The following DLG2 variants were observed in gnomAD, a reference collection of about 807,000 sequenced individuals.
The protein encoded by DLG2 is disks large homolog 2.
A neutral mutation model predicts 132.5 loss-of-function variants in DLG2; 45 were observed. The ratio of observed to expected loss-of-function variants is 0.34; its 90% CI spans 0.27 to 0.44. The LOEUF (loss-of-function observed/expected upper bound fraction) is 0.44, where lower values mean the gene tolerates loss of function less well. Among genes scored for constraint, DLG2 ranks in the 20% least tolerant of loss-of-function variants. The pLI is 1.00. For synonymous variants in DLG2, 424 were observed against 419.6 expected, an observed-to-expected ratio of 1.01 and a Z score of -0.13; for missense variants, 1,045 against 1,196.9, an observed-to-expected ratio of 0.87 and a Z score of 1.87.
At chr11:83,474,034 C>G (rs2092371267) in intron 22 of DLG2, among the ~76,000 whole-genome samples, 1 of 151,986 alleles carries the variant, frequency 6.6e-6, no homozygotes. Context: ...TATCTTATCT[C>G]AGTCCCAAGG....
chr11:83,531,016 A>G (rs1032704905), intron 21 of DLG2, among the ~76,000 whole-genome samples: 4 of 152,046 alleles, frequency 2.6e-5, no homozygotes, highest in Non-Finnish European at 5.9e-5. Flanking sequence ...CTAACTCAAC[A>G]TGGATCAACC....
At chr11:84,923,316 G>T in intron 6 of DLG2, 1 of 1,413,130 alleles carries the variant, frequency 7.1e-7, no homozygotes, top group South Asian at 1.5e-5. Context: ...TCTCTTCATT[G>T]GCTATATATA....
chr11:83,927,377 G>A (rs1216104303), intron 15 of DLG2, among the ~76,000 whole-genome samples: 5 of 151,924 alleles, frequency 3.3e-5, no homozygotes, highest in Admixed American at 2.6e-4. Context: ...ATATAATGGG[G>A]GCCTGATTTT....
intron 7 of DLG2, among the ~76,000 whole-genome samples, chr11:84,468,573 G>T (rs763952345): frequency 6.6e-6 from 1 of 151,468 alleles, no homozygotes; most frequent in African/African-American, 2.4e-5. Flanking sequence ...AGCCAGAACT[G>T]CTGTTAGTGT....
chr11:84,291,700 A>G lies in DLG2; in HGVS notation c.520-40409T>C, dbSNP rs2098001301. Reference sequence around the variant, plus strand: ...TCATGTAAAAACAAGTCAATTTGTTATTAAATATTGGTAGCACAAATAATT... The same window carrying G: ...TCATGTAAAAACAAGTCAATTTGTTGTTAAATATTGGTAGCACAAATAATT... On this transcript the variant is annotated intron_variant, in intron 7 of 27. Coordinates refer to ENST00000376104, the MANE Select transcript of DLG2 (RefSeq NM_001142699.3). 2.0e-5 allele frequency among the ~76,000 whole-genome samples: 3 copies of G among 152,340 alleles called. No individual in the cohort carries two copies. The South Asian group carries it at 6.2e-4, about 32-fold the overall frequency.
In DLG2 at chr11:84,438,311, G is replaced by A. The variant is rs533705774; in HGVS notation, c.519+96259C>T. Among the ~76,000 whole-genome samples the A allele has an allele frequency of 5.3e-5, 8 of 152,260 alleles. No individual in the cohort carries two copies. The East Asian group carries it at 1.5e-3, about 29-fold the overall frequency. On this transcript the variant is annotated intron_variant, in intron 7 of 27. Transcript: ENST00000376104. ...AGCAGGATGAAGTCTCCTCCCAAAT[G>A]CCTGAGTGAAGGTCCGTAGTTTTAG...
At chr11:84,797,629 C>T (rs548391955) in intron 6 of DLG2, among the ~76,000 whole-genome samples, 11 of 152,144 alleles carry the variant, frequency 7.2e-5, no homozygotes, top group Non-Finnish European at 1.3e-4. Flanking sequence ...ATTCCTTCTC[C>T]GTATTTTCTT....
At chr11:84,815,603 G>T (rs2077005858) in intron 6 of DLG2, among the ~76,000 whole-genome samples, 2 of 151,978 alleles carry the variant, frequency 1.3e-5, no homozygotes, top group African/African-American at 4.8e-5. Context: ...TTGTTTCCTG[G>T]ATCCTAGAGA....
At chr11:84,573,630 G>T (rs183043549) in intron 6 of DLG2, among the ~76,000 whole-genome samples, 1 of 152,214 alleles carries the variant, frequency 6.6e-6, no homozygotes, top group African/African-American at 2.4e-5. Context: ...TTCAGGTAAA[G>T]AACTAAATGC....
At chr11:84,029,940 T>C (rs145757526) in intron 11 of DLG2, among the ~76,000 whole-genome samples, 413 of 152,304 alleles carry the variant, frequency 2.7e-3, no homozygotes, top group Non-Finnish European at 3.8e-3. Context: ...GTTATCATTA[T>C]ACCCTGCTTT....
chr11:84,161,026 C>A (rs185486307), intron 9 of DLG2, among the ~76,000 whole-genome samples: 38 of 152,228 alleles, frequency 2.5e-4, no homozygotes, highest in Non-Finnish European at 4.3e-4. Context: ...ATAAGAATTG[C>A]TAGAAAGTCT....
At chr11:85,583,633 G>A (rs961115723) in intron 3 of DLG2, among the ~76,000 whole-genome samples, 3 of 152,116 alleles carry the variant, frequency 2.0e-5, no homozygotes, top group Non-Finnish European at 4.4e-5. Flanking sequence ...CTTAGGACTG[G>A]CCCTTATAGA....
chr11:83,724,045 C>T (rs2089387893), intron 18 of DLG2, among the ~76,000 whole-genome samples: 1 of 152,094 alleles, frequency 6.6e-6, no homozygotes, highest in South Asian at 2.1e-4. Flanking sequence ...AAAAATTATC[C>T]TTTCCAGTTA....
chr11:84,978,650 A>T (rs2055276358), intron 6 of DLG2, among the ~76,000 whole-genome samples: 1 of 152,222 alleles, frequency 6.6e-6, no homozygotes, highest in African/African-American at 2.4e-5. Context: ...CTTACACGTT[A>T]TACAAAAATT....
At chr11:84,506,414 G>A (rs2099241346) in intron 7 of DLG2, among the ~76,000 whole-genome samples, 1 of 152,084 alleles carries the variant, frequency 6.6e-6, no homozygotes, top group South Asian at 2.1e-4. Flanking sequence ...ATGTGAGGAC[G>A]GAAGCACAGT....
chr11:84,733,340 G>GCGATCAAGA (rs2063401966), intron 6 of DLG2, among the ~76,000 whole-genome samples: 1 of 152,138 alleles, frequency 6.6e-6, no homozygotes, highest in Non-Finnish European at 1.5e-5. Flanking sequence ...ATTCTAACTG[G>GCGATCAAGA]TGTGAGATGG....
intron 6 of DLG2, among the ~76,000 whole-genome samples, chr11:84,736,334 T>C (rs2063825437): frequency 6.6e-6 from 1 of 151,920 alleles, no homozygotes; most frequent in African/African-American, 2.4e-5. Context: ...TTCACTTTTT[T>C]TTTCAGAGCT....
intron 3 of DLG2, among the ~76,000 whole-genome samples, chr11:85,465,768 G>A (rs578257450): frequency 6.6e-6 from 1 of 152,174 alleles, no homozygotes; most frequent in Non-Finnish European, 1.5e-5. Context: ...ATAAACATAT[G>A]TGTGCATGTG....
intron 4 of DLG2, among the ~76,000 whole-genome samples, chr11:85,178,556 A>T (rs1412598253): frequency 6.6e-6 from 1 of 151,970 alleles, no homozygotes; most frequent in Non-Finnish European, 1.5e-5. Context: ...TAATAAAAGG[A>T]ATGAAAAAGA....
Sources: allele counts gnomAD v4.1 joint callset (sites outside exome capture counted in the v4.1 genomes callset), GRCh38; gene constraint gnomAD v4.1.1; transcripts MANE v1.5; gene names NCBI Gene and HGNC (gene_info 2026-07-23, HGNC 2026-07-21).